Variants in HIVEP3 observed in about 807,000 individuals in gnomAD.
HIVEP3 encodes the protein transcription factor HIVEP3.
HIVEP3 carries 49 observed loss-of-function variants against 152.8 expected under a neutral mutation model. The observed-to-expected ratio is 0.32, with a 90% confidence interval of 0.26 to 0.41. HIVEP3 has a LOEUF of 0.41. Among genes scored for constraint, HIVEP3 ranks in the 10% least tolerant of loss-of-function variants. The pLI, the probability that HIVEP3 is intolerant of heterozygous loss-of-function variation, is 1.00. For missense variants in HIVEP3, 2,790 were observed against 3,103.3 expected (o/e 0.90, Z 2.40); for synonymous variants, 1,269 against 1,289.0 (o/e 0.98, Z 0.33).
At chr1:42,034,390 A>G (rs1006083547) in intron 1 of HIVEP3, among the ~76,000 whole-genome samples, 1 of 152,230 alleles carries the variant, frequency 6.6e-6, no homozygotes, top group South Asian at 2.1e-4. Flanking sequence ...CTGCTTCTAT[A>G]CCAAAACTAC....
chr1:41,752,024 T>C (rs550702447), intron 1 of HIVEP3, among the ~76,000 whole-genome samples: 2 of 152,234 alleles, frequency 1.3e-5, no homozygotes, highest in Admixed American at 6.5e-5. Context: ...GCTGGGGAGG[T>C]GATGGGTTCA....
At chr1:41,531,732 C>A (rs1307129979) in intron 5 of HIVEP3, among the ~76,000 whole-genome samples, 349 of 20,734 alleles carry the variant, frequency 0.017, no homozygotes, top group East Asian at 0.025. Flanking sequence ...AAGACAGGGG[C>A]GATAGAGGAC....
chr1:41,638,731 G>A (rs182102607), intron 2 of HIVEP3, among the ~76,000 whole-genome samples: 252 of 152,318 alleles, frequency 1.7e-3, no homozygotes, highest in African/African-American at 5.9e-3. Context: ...TGAGGAGGGA[G>A]GGCCCTTGCT....
chr1:41,742,937 A>G (rs1647017676), intron 1 of HIVEP3, among the ~76,000 whole-genome samples: 1 of 152,182 alleles, frequency 6.6e-6, no homozygotes. Flanking sequence ...GAGTTGCTAA[A>G]CATCTCTGTG....
At chr1:41,568,458 C>G (rs921691098) in intron 5 of HIVEP3, among the ~76,000 whole-genome samples, 7 of 152,352 alleles carry the variant, frequency 4.6e-5, no homozygotes, top group African/African-American at 1.7e-4. Context: ...CTGGAGCCGG[C>G]ACATGCAGGC....
intron 1 of HIVEP3, among the ~76,000 whole-genome samples, chr1:41,944,899 G>A (rs1041260342): frequency 5.3e-5 from 8 of 152,048 alleles, no homozygotes; most frequent in Non-Finnish European, 1.0e-4. Context: ...TGGAGAACTG[G>A]GGCCAATTTG....
At chr1:41,993,422 G>A (rs1192863566) in intron 1 of HIVEP3, among the ~76,000 whole-genome samples, 1 of 150,058 alleles carries the variant, frequency 6.7e-6, no homozygotes, top group Non-Finnish European at 1.5e-5. Context: ...CTGGCCATCA[G>A]AGAAATGCAA....
chr1:41,866,147 A>G (rs1316833933), intron 1 of HIVEP3, among the ~76,000 whole-genome samples: 1 of 152,210 alleles, frequency 6.6e-6, no homozygotes, highest in East Asian at 1.9e-4. Flanking sequence ...CACCCTTTAC[A>G]CCAGCAGTGG....
intron 1 of HIVEP3, among the ~76,000 whole-genome samples, chr1:41,835,258 C>G (rs1004304955): frequency 6.6e-6 from 1 of 152,146 alleles, no homozygotes; most frequent in Non-Finnish European, 1.5e-5. Flanking sequence ...TTATTTTTTT[C>G]ACAGCTCTGG....
At chr1:41,842,505 T>C (rs1205802163) in intron 1 of HIVEP3, among the ~76,000 whole-genome samples, 1 of 152,108 alleles carries the variant, frequency 6.6e-6, no homozygotes, top group African/African-American at 2.4e-5. Flanking sequence ...GCTCCATTAC[T>C]CTGGCCTCAT....
At position 41,582,897 on chromosome 1, in the gene HIVEP3, T is replaced by C. The variant is rs1203638309; in HGVS notation, c.1901A>G (p.Lys634Arg). The C allele has an allele frequency of 6.2e-7, 1 of 1,614,052 alleles. No individual in the cohort carries two copies. Among genetic ancestry groups the C allele is most frequent in the Admixed American group, 1.7e-5 (1 of 59,998 alleles). The change falls in exon 4 of 9, where the codon AAG becomes AGG. Residue 634 changes from lysine to arginine, a missense_variant. By Grantham distance (26) the Lys-to-Arg change is conservative. Around this residue, in one of 9 missense-constraint regions of HIVEP3, gnomAD observed 339 missense variants for 327.0 expected, o/e 1.04. Coordinates refer to ENST00000372583, the MANE Select transcript of HIVEP3 (RefSeq NM_024503.5). The surrounding 1 kb of genome is among the most constrained non-coding windows in gnomAD (Gnocchi z 4.7). ...KESELTKKTK[K>R]GLKTKGVIYE... Reference sequence around the variant, plus strand: ...GATCACCCCTTTTGTTTTCAAACCCTTCTTGGTCTTTTTGGTAAGCTCGCT... The same window carrying C: ...GATCACCCCTTTTGTTTTCAAACCCCTCTTGGTCTTTTTGGTAAGCTCGCT...
intron 6 of HIVEP3, among the ~76,000 whole-genome samples, chr1:41,521,188 G>A (rs908521957): frequency 6.6e-6 from 1 of 152,176 alleles, no homozygotes; most frequent in Non-Finnish European, 1.5e-5. Context: ...ACTTGATGAG[G>A]TGACACAAGT....
At chr1:41,972,264 C>G (rs1233946919) in intron 1 of HIVEP3, among the ~76,000 whole-genome samples, 1 of 152,218 alleles carries the variant, frequency 6.6e-6, no homozygotes, top group African/African-American at 2.4e-5. Flanking sequence ...TCCCACTGTA[C>G]CCAGTAACAA....
chr1:41,632,263 G>C, intron 2 of HIVEP3, among the ~76,000 whole-genome samples: 1 of 152,210 alleles, frequency 6.6e-6, no homozygotes, highest in East Asian at 1.9e-4. Context: ...TCATTTAACA[G>C]ATGTCCACTC....
intron 1 of HIVEP3, among the ~76,000 whole-genome samples, chr1:42,031,569 G>A (rs931289249): frequency 1.3e-5 from 2 of 152,038 alleles, no homozygotes; most frequent in African/African-American, 4.8e-5. Context: ...TGATGCCAGT[G>A]GCACAAACAC....
chr1:41,538,671 G>A lies in HIVEP3; in HGVS notation c.5208-13761C>T, dbSNP rs530549082. Among the ~76,000 whole-genome samples the A allele has an allele frequency of 1.6e-3, 238 of 152,282 alleles. 1 individual carries two copies. The highest frequency in any genetic ancestry group is 2.4e-3 in the Non-Finnish European group (166 of 68,032). On this transcript the variant is annotated intron_variant, in intron 5 of 8. Coordinates refer to ENST00000372583, the MANE Select transcript of HIVEP3 (RefSeq NM_024503.5). ...TGTGGAGTGACTTCTGGGTGACGAA[G>A]AGCAGAGGCCTAAGAGCCAGCAAGC...
chr1:41,959,850 T>TC (rs1645159894), intron 1 of HIVEP3, among the ~76,000 whole-genome samples: 1 of 152,172 alleles, frequency 6.6e-6, no homozygotes, highest in Non-Finnish European at 1.5e-5. Flanking sequence ...AGCTGCTACC[T>TC]CCAGGTTGCT....
intron 1 of HIVEP3, among the ~76,000 whole-genome samples, chr1:41,832,610 T>G (rs1164374692): frequency 6.6e-6 from 1 of 152,220 alleles, no homozygotes; most frequent in African/African-American, 2.4e-5. Context: ...AGAAATTTGC[T>G]TATCCACTCG....
In HIVEP3 at chr1:41,996,506, C is replaced by T. The variant is rs761692996; in HGVS notation, n.119+39301G>A. Among the ~76,000 whole-genome samples the T allele has an allele frequency of 2.6e-5, 4 of 152,156 alleles. 1 individual carries two copies. In the South Asian group the frequency reaches 8.3e-4, roughly 32 times the overall value. Reference sequence around the variant, plus strand: ...ATCTGACACCTGGGCTGGGGTGGCTCAAAGGTGGGGCTCCTTTGAGCAGCT... The same window carrying T: ...ATCTGACACCTGGGCTGGGGTGGCTTAAAGGTGGGGCTCCTTTGAGCAGCT... On this transcript the variant is annotated intron_variant and non_coding_transcript_variant, in intron 1 of 3. Transcript: ENST00000489103.
Sources: allele counts gnomAD v4.1 joint callset (sites outside exome capture counted in the v4.1 genomes callset), GRCh38; gene constraint gnomAD v4.1.1; regional missense constraint gnomAD v4.1.1; non-coding constraint Gnocchi (gnomAD v3.1); transcripts MANE v1.5; gene names NCBI Gene and HGNC (gene_info 2026-07-23, HGNC 2026-07-21).